Variants in AXIN1 observed in about 807,000 individuals in gnomAD.
AXIN1 encodes the protein axin 1.
AXIN1 carries 30 observed loss-of-function variants against 76.4 expected under a neutral mutation model. The observed-to-expected ratio is 0.39, with a 90% CI of 0.29 to 0.53. The LOEUF is 0.53. Among genes scored for constraint, AXIN1 ranks in the 20% least tolerant of loss-of-function variants. The pLI is 0.66. For missense variants in AXIN1, 1,140 were observed against 1,198.8 expected (o/e 0.95, Z 0.72); for synonymous variants, 545 against 501.4 (o/e 1.09, Z -1.16).
chr16:330,357 C>T (rs2053669705), intron 2 of AXIN1, among the ~76,000 whole-genome samples: 1 of 152,198 alleles, frequency 6.6e-6, no homozygotes, highest in African/African-American at 2.4e-5. Flanking sequence ...AGCCACTGTG[C>T]CCGCTACCAA....
chr16:315,760 G>A (rs1165571824), intron 2 of AXIN1, among the ~76,000 whole-genome samples: 3 of 151,282 alleles, frequency 2.0e-5, no homozygotes, highest in African/African-American at 4.9e-5. Context: ...CCTGGGAGGC[G>A]GAGCTTGCAG....
intron 2 of AXIN1, among the ~76,000 whole-genome samples, chr16:324,289 G>C (rs1348139646): frequency 1.3e-5 from 2 of 150,768 alleles, no homozygotes; most frequent in Admixed American, 6.6e-5. Context: ...GGCTACATTT[G>C]CTCTACAGGT....
At chr16:342,547 GC>G (rs1442642329) in intron 2 of AXIN1, among the ~76,000 whole-genome samples, 2 of 152,122 alleles carry the variant, frequency 1.3e-5, no homozygotes, top group Admixed American at 6.5e-5. Flanking sequence ...TTGGAGGACT[GC>G]CCCCAGCTCC....
At position 320,741 on chromosome 16, in the gene AXIN1, A is replaced by ATTTT. The variant is rs1303646861; in HGVS notation, c.879-6059_879-6058insAAAA. Among the ~76,000 whole-genome samples the ATTTT allele has an allele frequency of 4.6e-4, 42 of 92,056 alleles. 1 individual carries two copies. Among genetic ancestry groups the ATTTT allele is most frequent in the African/African-American group, 2.0e-3 (35 of 17,824 alleles). The allele number at this position is 92,056 out of a possible 152,430, so 60.4% of individuals were successfully genotyped here. A position where few individuals can be genotyped will look rare whatever the true frequency, so the allele number is the denominator to read the frequency against. ...TGTGTGTGTATATATATATATATATATATTTTTTTTTTTTTTGAGACGGAG... is the reference window on the plus strand; with the variant it reads ...TGTGTGTGTATATATATATATATATATTTTTATTTTTTTTTTTTTTGAGACGGAG... On this transcript the variant is annotated intron_variant, in intron 2 of 10. Transcript: ENST00000262320.
At chr16:308,419 G>A (rs1209760072) in intron 4 of AXIN1, among the ~76,000 whole-genome samples, 2 of 152,334 alleles carry the variant, frequency 1.3e-5, no homozygotes, top group East Asian at 3.9e-4. Flanking sequence ...TCTGTGGCAT[G>A]CACTTTCTAC....
Position 293,512 on chromosome 16 carries a change from G to C in AXIN1, c.2162C>G (p.Ala721Gly), listed in dbSNP as rs758750814. The C allele has an allele frequency of 6.2e-7, 1 of 1,609,962 alleles. No individual in the cohort carries two copies. The highest frequency in any genetic ancestry group is 8.5e-7 in the Non-Finnish European group (1 of 1,179,962). Residue 721 changes from alanine (A) to glycine (G), a missense_variant, in exon 8 of 11, where the codon GCC becomes GGC. Physicochemically the swap from Ala to Gly is moderately conservative, Grantham distance 60. Coordinates refer to ENST00000262320, the MANE Select transcript of AXIN1 (RefSeq NM_003502.4). This position sits in a 1 kb window ranked among gnomAD's most constrained non-coding sequence, Gnocchi z 4.6. The stretch of plus-strand genomic sequence containing the variant: ...CCTCTGCTTGGAGGGTGCTCGGCTG[G>C]CTCTCTTTTCTTCCTCCTCCAGACG... ...RRRLEEEEKR[A>G]SRAPSKQRYV...
At chr16:340,319 T>A (rs1366515520) in intron 2 of AXIN1, among the ~76,000 whole-genome samples, 1 of 152,168 alleles carries the variant, frequency 6.6e-6, no homozygotes, top group East Asian at 1.9e-4. Flanking sequence ...TATCCACAAG[T>A]GCATCACTGG....
At chr16:348,785 C>CA (rs1470622678) in intron 1 of AXIN1, among the ~76,000 whole-genome samples, 1 of 151,964 alleles carries the variant, frequency 6.6e-6, no homozygotes, top group African/African-American at 2.4e-5. Context: ...GCCTGGGCAA[C>CA]AGAGCAAGAT....
rs539377573 is a variant in AXIN1 at position 321,651 on chromosome 16, C to T, written c.879-6968G>A. ...CTGGGAATATGAGGTAGGTGGATTC[C>T]AACCCACGAAGGGTTAAACCCTCTC... On this transcript the variant is annotated intron_variant, in intron 2 of 10. Coordinates refer to ENST00000262320, the MANE Select transcript of AXIN1 (RefSeq NM_003502.4). Among the ~76,000 whole-genome samples, 8 of 149,594 alleles carry T rather than the reference C, an allele frequency of 5.3e-5. 1 individual carries two copies. Among genetic ancestry groups the T allele is most frequent in the African/African-American group, 2.0e-4 (8 of 40,358 alleles).
Position 347,057 on chromosome 16 carries a change from C to T in AXIN1, c.-32G>A, listed in dbSNP as rs2141711048. 6.2e-7 allele frequency: 1 copy of T among 1,613,748 alleles called. No individual in the cohort carries two copies. The highest frequency in any genetic ancestry group is 8.5e-7 in the Non-Finnish European group (1 of 1,180,036). On this transcript the variant is annotated 5_prime_UTR_variant, in exon 2 of 11. Coordinates refer to ENST00000262320, the MANE Select transcript of AXIN1 (RefSeq NM_003502.4). ...ACTCTGCGTCAAGGAACAATGAGCG[C>T]TGCACCCTAATACATCAGTACTTAC...
intron 4 of AXIN1, among the ~76,000 whole-genome samples, chr16:305,442 C>T (rs1387629714): frequency 1.3e-5 from 2 of 152,180 alleles, no homozygotes; most frequent in Non-Finnish European, 2.9e-5. Context: ...TGCCACTGCC[C>T]TGCAGCCTGG....
chr16:289,843 A>C lies in AXIN1; in HGVS notation c.2295-236T>G, dbSNP rs112065806. 18 of 601,750 alleles carry C rather than the reference A, an allele frequency of 3.0e-5. 1 individual carries two copies. The highest frequency in any genetic ancestry group is 2.0e-4 in the African/African-American group (11 of 54,246). The allele number at this position is 601,750 out of a possible 1,614,324, so 37.3% of individuals were successfully genotyped here. On this transcript the variant is annotated intron_variant, in intron 9 of 10. Coordinates refer to ENST00000262320, the MANE Select transcript of AXIN1 (RefSeq NM_003502.4). ...CACGAAGGTCTCCCTGCTGCCTCAC[A>C]GCCCCACCCTCGACTGGCCAGGGCC...
In AXIN1 at chr16:338,013, A is replaced by G. The variant is rs370889637; in HGVS notation, c.878+8135T>C. 2.6e-5 allele frequency among the ~76,000 whole-genome samples: 4 copies of G among 152,186 alleles called. No homozygotes were observed. The East Asian group carries it at 5.8e-4, about 22-fold the overall frequency. On this transcript the variant is annotated intron_variant, in intron 2 of 10. Coordinates refer to ENST00000262320, the MANE Select transcript of AXIN1 (RefSeq NM_003502.4). The stretch of plus-strand genomic sequence containing the variant: ...TATTCTCACAGATGTGACACGGGGA[A>G]AAACTGAGGTGAAGCTGCTTCCCTC...
chr16:340,029 T>A (rs1233255120), intron 2 of AXIN1, among the ~76,000 whole-genome samples: 1 of 151,618 alleles, frequency 6.6e-6, no homozygotes, highest in Non-Finnish European at 1.5e-5. Context: ...GGCCCTTTCT[T>A]TTTCTTCTTC....
rs183053609 is a variant in AXIN1 at position 327,060 on chromosome 16, T to G, written c.879-12377A>C. On this transcript the variant is annotated intron_variant, in intron 2 of 10. Coordinates refer to ENST00000262320, the MANE Select transcript of AXIN1 (RefSeq NM_003502.4). ...GGGAGCCTGAGGCAGAAGACTGGCA[T>G]GAACCTGGGAGGTGGAGCTTGCAGT... is the stretch of plus-strand genomic sequence containing the variant. 3.0e-3 allele frequency among the ~76,000 whole-genome samples: 450 copies of G among 151,928 alleles called. 1 individual carries two copies. The highest frequency in any genetic ancestry group is 0.01 in the African/African-American group (424 of 41,396).
At chr16:339,434 C>G (rs1479053416) in intron 2 of AXIN1, among the ~76,000 whole-genome samples, 2 of 151,146 alleles carry the variant, frequency 1.3e-5, no homozygotes, top group Non-Finnish European at 2.9e-5. Context: ...GTGCTTGAAC[C>G]CAGGAGGTGG....
chr16:291,075 T>C, intron 9 of AXIN1, 115 bp downstream of exon 9: 1 of 973,148 alleles, frequency 1.0e-6, no homozygotes. Flanking sequence ...CCACAGCTGC[T>C]TCTGAGCGTG....
chr16:351,797 C>G (rs777604158), intron 1 of AXIN1, among the ~76,000 whole-genome samples: 12 of 152,050 alleles, frequency 7.9e-5, no homozygotes, highest in Non-Finnish European at 1.3e-4. Flanking sequence ...CCCCAGAGAA[C>G]TGACATGTTT....
intron 1 of AXIN1, among the ~76,000 whole-genome samples, chr16:349,930 C>T (rs1054164403): frequency 4.6e-5 from 7 of 152,122 alleles, no homozygotes; most frequent in African/African-American, 1.4e-4. Context: ...TCTCAAGTGG[C>T]GGGGACTACA....
Sources: allele counts gnomAD v4.1 joint callset (sites outside exome capture counted in the v4.1 genomes callset), GRCh38; gene constraint gnomAD v4.1.1; non-coding constraint Gnocchi (gnomAD v3.1); transcripts MANE v1.5; gene names NCBI Gene and HGNC (gene_info 2026-07-23, HGNC 2026-07-21).